Variants in STARD3 observed in about 807,000 individuals in gnomAD.
STARD3 encodes StAR related lipid transfer domain containing 3, also known as stAR-related lipid transfer protein 3.
STARD3 carries 39 observed loss-of-function variants against 62.0 expected under a neutral mutation model. The observed-to-expected ratio is 0.63, with a 90% CI of 0.49 to 0.82. The LOEUF is 0.82. STARD3 is among the 40% of genes least tolerant of loss of function. The pLI is 0.00. For synonymous variants in STARD3, 229 were observed against 242.4 expected (o/e 0.94, Z 0.51); for missense variants, 543 against 584.5 (o/e 0.93, Z 0.73).
chr17:39,648,727 G>A (rs2057049930), intron 1 of STARD3, among the ~76,000 whole-genome samples: 1 of 152,066 alleles, frequency 6.6e-6, no homozygotes, highest in Admixed American at 6.6e-5. Flanking sequence ...CTGCCTTCGA[G>A]CCCCCATGCT....
At chr17:39,639,358 A>AGTGT (rs937403084) in intron 1 of STARD3, among the ~76,000 whole-genome samples, 1 of 152,152 alleles carries the variant, frequency 6.6e-6, no homozygotes, top group Admixed American at 6.5e-5. Context: ...CCAGTCTGGA[A>AGTGT]GTGTGTGTGT....
intron 6 of STARD3, 69 bp downstream of exon 6, chr17:39,658,591 A>G: frequency 6.4e-7 from 1 of 1,570,890 alleles, no homozygotes; most frequent in Non-Finnish European, 8.7e-7. Flanking sequence ...AGTTGCGGGC[A>G]TGAGAGTCAG....
chr17:39,637,276 C>A (rs1289151611), intron 1 of STARD3, 45 bp downstream of exon 1: 1 of 152,240 alleles, frequency 6.6e-6, no homozygotes, highest in Non-Finnish European at 1.5e-5. Context: ...GTGCGAGGGC[C>A]GTCTTCCGCC....
At position 39,657,776 on chromosome 17, in the gene STARD3, T is replaced by C. The variant is rs757457699; in HGVS notation, c.299T>C (p.Val100Ala). 4 of 1,614,046 alleles carry C rather than the reference T, an allele frequency of 2.5e-6. No individual in the cohort carries two copies. In the African/African-American group the frequency reaches 5.3e-5, roughly 22 times the overall value. The change falls in exon 4 of 15, where the codon GTC (valine) becomes GCC (alanine). Residue 100 changes from valine (V) to alanine (A), a missense_variant and splice_region_variant. Transcript: ENST00000336308. Reference sequence around the variant, plus strand: ...TGCCTTGCTCCCGTCCCCCACCAGGTCCTGGCCTTCTTCCGCTTCTCTGGA... The same window carrying C: ...TGCCTTGCTCCCGTCCCCCACCAGGCCCTGGCCTTCTTCCGCTTCTCTGGA... ...NFKTSFFDIF[V>A]LAFFRFSGLL...
chr17:39,656,291 G>C (rs2057129118), intron 2 of STARD3, among the ~76,000 whole-genome samples: 1 of 152,158 alleles, frequency 6.6e-6, no homozygotes, highest in Non-Finnish European at 1.5e-5. Context: ...AGGGTGGCTG[G>C]TGCCCCACCT....
chr17:39,647,413 G>A (rs2057036771), intron 1 of STARD3, among the ~76,000 whole-genome samples: 1 of 152,122 alleles, frequency 6.6e-6, no homozygotes, highest in African/African-American at 2.4e-5. Context: ...TTTGGCAGTG[G>A]GTGGGGTGCT....
rs938647810 is a variant in STARD3, at chr17:39,662,747, G to T, written c.1234-57G>T. The T allele has an allele frequency of 1.9e-5, 29 of 1,506,310 alleles. No individual in the cohort carries two copies. In the Admixed American group the frequency reaches 5.5e-4, roughly 28 times the overall value. 93.3% of individuals were successfully genotyped at this position (1,506,310 alleles called of 1,614,324 possible). On this transcript the variant is annotated intron_variant, in intron 14 of 14. Transcript: ENST00000336308. ...GCCCCCCTGCTGGTGCCAGCTGCAA[G>T]GGGAGACCCTGCTGAGGGCAGGCCA...
At chr17:39,640,186 A>T (rs934672711) in intron 1 of STARD3, among the ~76,000 whole-genome samples, 1 of 152,212 alleles carries the variant, frequency 6.6e-6, no homozygotes, top group Non-Finnish European at 1.5e-5. Context: ...GAGATAAAAA[A>T]TCCGGCACAT....
chr17:39,637,775 A>G (rs1425109361), intron 1 of STARD3, among the ~76,000 whole-genome samples: 2 of 152,162 alleles, frequency 1.3e-5, no homozygotes, highest in South Asian at 2.1e-4. Flanking sequence ...TTTTTGGGTT[A>G]GTCAATGTCT....
rs140618662 is a variant in STARD3 at position 39,657,833 on chromosome 17, G to C, written c.356G>C (p.Arg119Pro). Reference sequence around the variant, plus strand: ...CTAGGCTATGCCGTGCTGCGGCTCCGGCACTGGTGGGTGATTGCGGTAAGA... The same window carrying C: ...CTAGGCTATGCCGTGCTGCGGCTCCCGCACTGGTGGGTGATTGCGGTAAGA... ...LLLGYAVLRL[R>P]HWWVIAVTTL... Residue 119 changes from arginine to proline, a missense_variant, in exon 4 of 15, where the codon CGG becomes CCG. Transcript: ENST00000336308. 6.2e-7 allele frequency: 1 copy of C among 1,614,068 alleles called. No homozygotes were observed. The highest frequency in any genetic ancestry group is 8.5e-7 in the Non-Finnish European group (1 of 1,180,044).
In STARD3 at chr17:39,658,533, G is replaced by C; in HGVS notation, c.547+11G>C. On this transcript the variant is annotated intron_variant, in intron 6 of 14. Transcript: ENST00000336308. ...CTGAAGAGGAGCGATGTGAGTGCTT[G>C]CGGGTAGGGGGGTGCAGCGAGGGTT... 6.2e-7 allele frequency: 1 copy of C among 1,612,128 alleles called. No homozygotes were observed. The highest frequency in any genetic ancestry group is 8.5e-7 in the Non-Finnish European group (1 of 1,178,648).
chr17:39,662,450 C>T, intron 14 of STARD3, 106 bp downstream of exon 14: 1 of 1,107,590 alleles, frequency 9.0e-7, no homozygotes. Flanking sequence ...GCCTGGGCCT[C>T]CCCTTTGTCA....
intron 2 of STARD3, among the ~76,000 whole-genome samples, chr17:39,656,127 G>T (rs1442079745): frequency 6.6e-6 from 1 of 152,162 alleles, no homozygotes; most frequent in Non-Finnish European, 1.5e-5. Flanking sequence ...GGGGCTGTGT[G>T]CTCAGTGGGG....
chr17:39,662,540 C>A (rs763023545), intron 14 of STARD3, 196 bp downstream of exon 14: 52 of 644,292 alleles, frequency 8.1e-5, no homozygotes, highest in Non-Finnish European at 1.0e-4. Context: ...ATGTGCCCCC[C>A]CTTCTTACCT....
rs771734394 is a variant in STARD3 at position 39,659,124 on chromosome 17, C to T, written c.702+18C>T. ...CTGCTCAGGTATTTGCCTGCCTACC[C>T]CTAACCCCTGCCCTTGGAATGGGTG... is the stretch of plus-strand genomic sequence containing the variant. On this transcript the variant is annotated intron_variant, in intron 8 of 14. Coordinates refer to ENST00000336308, the MANE Select transcript of STARD3 (RefSeq NM_006804.4). The T allele has an allele frequency of 6.2e-6, 10 of 1,614,028 alleles. No individual in the cohort carries two copies. Among genetic ancestry groups the T allele is most frequent in the Admixed American group, 1.7e-5 (1 of 60,004 alleles).
At chr17:39,654,460 C>T (rs981904416) in intron 2 of STARD3, among the ~76,000 whole-genome samples, 1 of 152,196 alleles carries the variant, frequency 6.6e-6, no homozygotes, top group Non-Finnish European at 1.5e-5. Flanking sequence ...GAAAAACTCC[C>T]AGTTCCCAGT....
intron 9 of STARD3, chr17:39,659,768 A>AGAACACAAC: frequency 2.3e-6 from 1 of 426,936 alleles, no homozygotes; most frequent in Non-Finnish European, 4.0e-6. Context: ...CCCCATGTTT[A>AGAACACAAC]CTTCCCTGCT....
In STARD3 at chr17:39,663,936, A is replaced by G. The variant is rs1597803981; in HGVS notation, c.*1028A>G. On this transcript the variant is annotated 3_prime_UTR_variant, in exon 15 of 15. Transcript: ENST00000336308. The stretch of plus-strand genomic sequence containing the variant: ...CCTCTCCCCGCACGGCACTCACACC[A>G]GGGGCGGCCTGGAGCCCGGATCGCA... Among the ~76,000 whole-genome samples, 1 of 151,978 alleles carries G rather than the reference A, an allele frequency of 6.6e-6. No homozygotes were observed.
At chr17:39,659,966 G>A in intron 9 of STARD3, 1 of 579,862 alleles carries the variant, frequency 1.7e-6, no homozygotes, top group East Asian at 2.9e-5. Flanking sequence ...TGGAGACATG[G>A]TTTTTTGTGG....
Sources: gnomAD v4.1 joint callset for allele counts (sites outside exome capture counted in the v4.1 genomes callset) on GRCh38, gnomAD v4.1.1 for gene constraint, MANE v1.5 for transcripts, NCBI Gene and HGNC (gene_info 2026-07-23, HGNC 2026-07-21) for gene names.